Variants in DSTYK observed in about 807,000 individuals in gnomAD.
DSTYK encodes the protein dual serine/threonine and tyrosine protein kinase, also known as RIP-homologous kinase.
In DSTYK, 34 loss-of-function variants were observed where a neutral mutation model predicts 98.7. The observed-to-expected ratio is 0.34, with a 90% CI of 0.26 to 0.46. DSTYK has a LOEUF of 0.46. DSTYK is among the 20% of genes least tolerant of loss of function. The pLI is 1.00. For missense variants in DSTYK, 962 were observed against 1,181.7 expected (o/e 0.81, Z 2.73); for synonymous variants, 462 against 457.3 (o/e 1.01, Z -0.13).
rs1322272658 is a variant in DSTYK at position 205,187,439 on chromosome 1, C to T, written c.633G>A (p.Thr211=). 8 of 1,612,010 alleles carry T rather than the reference C, an allele frequency of 5.0e-6. No individual in the cohort carries two copies. The highest frequency in any genetic ancestry group is 5.9e-6 in the Non-Finnish European group (7 of 1,178,504). Residue 211 remains threonine, a synonymous_variant, in exon 2 of 13, where the codon ACG becomes ACA. Transcript: ENST00000367162. ...GTACCTGTAAGAGAGCATGGTGCAT[C>T]GTTACCTCCAGTTCCGCTAAAACAT... is the stretch of plus-strand genomic sequence containing the variant. ...AAHVLAELEV[T]MHHALLQEVD... is the part of the protein sequence containing the mutation.
chr1:205,152,835 C>T (rs554821846), intron 10 of DSTYK, among the ~76,000 whole-genome samples: 2 of 152,272 alleles, frequency 1.3e-5, no homozygotes, highest in Admixed American at 6.5e-5. Flanking sequence ...AATACTCAAC[C>T]GGTACTGTCT....
At chr1:205,211,232 C>CCTCTCCTGCCCT in intron 1 of DSTYK, 39 bp downstream of exon 1, 1 of 1,545,330 alleles carries the variant, frequency 6.5e-7, no homozygotes, top group South Asian at 1.2e-5. Flanking sequence ...CTCCGATTTG[C>CCTCTCCTGCCCT]CTCTCCTGCC....
chr1:205,211,415 G>A lies in DSTYK; in HGVS notation c.121C>T (p.Leu41=), dbSNP rs1310156447. The A allele has an allele frequency of 1.2e-6, 2 of 1,610,054 alleles. No homozygotes were observed. The highest frequency in any genetic ancestry group is 1.7e-6 in the Non-Finnish European group (2 of 1,179,106). The part of the protein sequence containing the change: ...FGRYRRYLGR[L]RQNLRETQKF... ...TGGGTCTCGCGCAGGTTCTGTCGCA[G>A]CCGTCCCAGGTAGCGGCGGTAGCGG... Residue 41 remains leucine, a synonymous_variant, in exon 1 of 13, where the codon CTG becomes TTG. Transcript: ENST00000367162.
chr1:205,157,801 G>T (rs1045722491), intron 9 of DSTYK, among the ~76,000 whole-genome samples: 1 of 151,308 alleles, frequency 6.6e-6, no homozygotes, highest in Non-Finnish European at 1.5e-5. Context: ...AAAGCAGTTA[G>T]GAGAGGGAAG....
intron 2 of DSTYK, among the ~76,000 whole-genome samples, chr1:205,185,065 G>C (rs748894267): frequency 2.6e-5 from 4 of 152,082 alleles, no homozygotes; most frequent in Non-Finnish European, 5.9e-5. Flanking sequence ...GCTGGGCGTG[G>C]TGGCACACAC....
intron 1 of DSTYK, among the ~76,000 whole-genome samples, chr1:205,205,906 T>G (rs1204234835): frequency 1.3e-5 from 2 of 152,210 alleles, no homozygotes; most frequent in Admixed American, 1.3e-4. Flanking sequence ...GAATTATAAC[T>G]CATATAAAAT....
chr1:205,153,951 T>A (rs1197560725), intron 10 of DSTYK, among the ~76,000 whole-genome samples: 2 of 148,370 alleles, frequency 1.3e-5, no homozygotes, highest in Non-Finnish European at 3.0e-5. Flanking sequence ...TGACCTCAGG[T>A]GATTCACCCA....
intron 10 of DSTYK, among the ~76,000 whole-genome samples, chr1:205,151,230 G>A (rs1360044956): frequency 1.3e-5 from 2 of 152,238 alleles, no homozygotes; most frequent in African/African-American, 4.8e-5. Context: ...AGTGAGTGGT[G>A]AGTGAATGTG....
Position 205,211,289 on chromosome 1 carries a change from C to T in DSTYK, c.247G>A (p.Glu83Lys). Residue 83 changes from glutamate to lysine, a missense_variant, in exon 1 of 13, where the codon GAA (glutamate) becomes AAA (lysine). This residue lies in a region of DSTYK where 660 missense variants were observed against 855.0 expected (regional missense o/e 0.77). Coordinates refer to ENST00000367162, the MANE Select transcript of DSTYK (RefSeq NM_015375.3). ...AERGPAGDVA[E>K]TGLQAGQLSC... ...TCCTTACCCGCCTGCAGCCCGGTTT[C>T]GGCGACATCGCCTGCAGGGCCGCGC... The T allele has an allele frequency of 6.2e-7, 1 of 1,607,488 alleles. No homozygotes were observed.
intron 1 of DSTYK, among the ~76,000 whole-genome samples, chr1:205,194,660 G>A (rs1330324449): frequency 1.3e-5 from 2 of 151,314 alleles, no homozygotes; most frequent in Non-Finnish European, 2.9e-5. Context: ...TAGGATTATA[G>A]GCATGAGCCG....
chr1:205,184,643 A>T (rs1407910998), intron 2 of DSTYK, among the ~76,000 whole-genome samples: 2 of 152,142 alleles, frequency 1.3e-5, no homozygotes, highest in African/African-American at 4.8e-5. Flanking sequence ...TTTTTGAGAC[A>T]GGGTCTCATT....
chr1:205,168,652 C>T (rs1574765379), intron 3 of DSTYK, among the ~76,000 whole-genome samples: 3 of 152,138 alleles, frequency 2.0e-5, no homozygotes, highest in African/African-American at 7.2e-5. Context: ...TCACTTTCAC[C>T]CAATTTTGTT....
intron 2 of DSTYK, among the ~76,000 whole-genome samples, chr1:205,180,931 T>C (rs557721542): frequency 3.3e-5 from 5 of 152,202 alleles, no homozygotes; most frequent in Non-Finnish European, 5.9e-5. Context: ...GATTTTACTA[T>C]GTATGCTAGT....
At chr1:205,160,713 T>C (rs1207897213) in intron 7 of DSTYK, among the ~76,000 whole-genome samples, 1 of 152,170 alleles carries the variant, frequency 6.6e-6, no homozygotes, top group Non-Finnish European at 1.5e-5. Flanking sequence ...TCTAGTGTCA[T>C]TCTAACCCAA....
intron 2 of DSTYK, among the ~76,000 whole-genome samples, chr1:205,171,960 T>C (rs1420634282): frequency 2.1e-5 from 1 of 46,900 alleles, no homozygotes; most frequent in Non-Finnish European, 1.1e-4. Context: ...AGCAGGTTTA[T>C]TGATTGATTG....
intron 6 of DSTYK, 76 bp downstream of exon 6, chr1:205,161,960 G>T: frequency 6.9e-7 from 1 of 1,450,462 alleles, no homozygotes. Context: ...TATGAAGAGC[G>T]GAGAGCGAAA....
chr1:205,186,618 T>C lies in DSTYK; in HGVS notation c.654+800A>G, dbSNP rs78946381. ...CTCTGAGTATGGCTGAATTATTTTATCCCTACCCACTCCTGACCCTGCCAT... is the reference window on the plus strand; with the variant it reads ...CTCTGAGTATGGCTGAATTATTTTACCCCTACCCACTCCTGACCCTGCCAT... On this transcript the variant is annotated intron_variant, in intron 2 of 12. Coordinates refer to ENST00000367162, the MANE Select transcript of DSTYK (RefSeq NM_015375.3). Among the ~76,000 whole-genome samples the C allele has an allele frequency of 8.6e-3, 1,308 of 152,284 alleles. 22 individuals carry two copies. Among genetic ancestry groups the C allele is most frequent in the African/African-American group, 0.03 (1,252 of 41,552 alleles).
chr1:205,150,656 C>T lies in DSTYK; in HGVS notation c.2467+24G>A, dbSNP rs770440052. On this transcript the variant is annotated intron_variant, in intron 11 of 12. Transcript: ENST00000367162. The surrounding 1 kb of genome is among the most constrained non-coding windows in gnomAD (Gnocchi z 4.1). ...TTAAAGTAGTACGCCCTGCCCAGACCCACTGCCTGCCCTCCAGCCTTACCT... is the reference window on the plus strand; with the variant it reads ...TTAAAGTAGTACGCCCTGCCCAGACTCACTGCCTGCCCTCCAGCCTTACCT... The T allele has an allele frequency of 6.3e-7, 1 of 1,579,448 alleles. No homozygotes were observed. Among genetic ancestry groups the T allele is most frequent in the Non-Finnish European group, 8.7e-7 (1 of 1,149,754 alleles).
At chr1:205,192,329 C>T (rs1658736136) in intron 1 of DSTYK, among the ~76,000 whole-genome samples, 2 of 151,816 alleles carry the variant, frequency 1.3e-5, no homozygotes, top group South Asian at 2.1e-4. Flanking sequence ...CTCAGAAGTG[C>T]GAGACCAGCC....
Sources: gnomAD v4.1 joint callset for allele counts (sites outside exome capture counted in the v4.1 genomes callset) on GRCh38, gnomAD v4.1.1 for gene constraint, gnomAD v4.1.1 regional missense constraint, Gnocchi (gnomAD v3.1) non-coding constraint, MANE v1.5 for transcripts, NCBI Gene and HGNC (gene_info 2026-07-23, HGNC 2026-07-21) for gene names.